EDC3: variants seen among roughly 807,000 people sequenced by gnomAD.
EDC3 encodes the protein enhancer of mRNA-decapping protein 3.
A neutral mutation model predicts 41.8 loss-of-function variants in EDC3; 20 were observed. The observed-to-expected ratio is 0.48, with a 90% CI of 0.34 to 0.70. The LOEUF is 0.70. Ranked by LOEUF, EDC3 falls within the 30% of genes least tolerant of loss-of-function variation. EDC3 has a pLI of 0.01. For synonymous variants in EDC3, 206 were observed against 243.2 expected (o/e 0.85, Z 1.42); for missense variants, 444 against 636.8 (o/e 0.70, Z 3.26).
intron 1 of EDC3, among the ~76,000 whole-genome samples, chr15:74,677,351 T>A (rs1423396563): frequency 1.4e-5 from 2 of 147,318 alleles, no homozygotes; most frequent in Non-Finnish European, 3.0e-5. Flanking sequence ...TGAGCCACCA[T>A]GCCCAGCCTT....
chr15:74,655,680 C>T (rs2141614845), intron 4 of EDC3, 53 bp downstream of exon 4: 3 of 1,517,666 alleles, frequency 2.0e-6, no homozygotes, highest in Non-Finnish European at 2.7e-6. Context: ...CTGTTTCAAG[C>T]ATAATAGAAA....
At position 74,632,311 on chromosome 15, in the gene EDC3, C is replaced by A; in HGVS notation, c.*301G>T. On this transcript the variant is annotated 3_prime_UTR_variant, in exon 7 of 7. Transcript: ENST00000315127. This position sits in a 1 kb window ranked among gnomAD's most constrained non-coding sequence, Gnocchi z 4.0. ...GCCCAGTGGCTGTAAACCTGAAACA[C>A]AGTCTTGAGAGCTGCCTACGGCTGT... 2.5e-6 allele frequency: 1 copy of A among 397,784 alleles called. No individual in the cohort carries two copies. The highest frequency in any genetic ancestry group is 4.8e-5 in the East Asian group (1 of 20,818). The allele number at this position is 397,784 out of a possible 1,614,324, so 24.6% of individuals were successfully genotyped here.
At chr15:74,683,303 G>A (rs189198154) in intron 1 of EDC3, among the ~76,000 whole-genome samples, 219 of 152,352 alleles carry the variant, frequency 1.4e-3, no homozygotes, top group African/African-American at 5.2e-3. Context: ...GGGAGGCTGA[G>A]GAGGGTGGAT....
At chr15:74,670,492 C>A (rs2141647502) in intron 3 of EDC3, among the ~76,000 whole-genome samples, 1 of 152,192 alleles carries the variant, frequency 6.6e-6, no homozygotes, top group South Asian at 2.1e-4. Context: ...TGGAGTGGCA[C>A]AATATCAGCT....
chr15:74,683,655 C>T (rs959936433), intron 1 of EDC3, among the ~76,000 whole-genome samples: 1 of 151,930 alleles, frequency 6.6e-6, no homozygotes, highest in African/African-American at 2.4e-5. Context: ...CTGGGTAGGG[C>T]ATAAGGAATC....
chr15:74,631,626 T>G lies in EDC3; in HGVS notation c.*986A>C, dbSNP rs1273797641. 2.0e-5 allele frequency: 3 copies of G among 152,708 alleles called. No homozygotes were observed. The highest frequency in any genetic ancestry group is 7.2e-5 in the African/African-American group (3 of 41,426). The allele number at this position is 152,708 out of a possible 1,614,324, so 9.5% of individuals were successfully genotyped here. Reference sequence around the variant, plus strand: ...CATCTGCCTGCTCTGGGATGACAGCTGCAAAGGACCGTTTCAGGGGAAGGG... The same window carrying G: ...CATCTGCCTGCTCTGGGATGACAGCGGCAAAGGACCGTTTCAGGGGAAGGG... On this transcript the variant is annotated 3_prime_UTR_variant, in exon 7 of 7. Coordinates refer to ENST00000315127, the MANE Select transcript of EDC3 (RefSeq NM_025083.5).
At chr15:74,694,003 A>C (rs1220598252) in intron 1 of EDC3, among the ~76,000 whole-genome samples, 1 of 151,848 alleles carries the variant, frequency 6.6e-6, no homozygotes, top group Non-Finnish European at 1.5e-5. Flanking sequence ...AAAAACAAAA[A>C]CTTCATAAAT....
intron 2 of EDC3, among the ~76,000 whole-genome samples, chr15:74,674,253 T>C (rs1300321373): frequency 6.6e-6 from 1 of 152,116 alleles, no homozygotes; most frequent in East Asian, 1.9e-4. Context: ...TACAGGCACA[T>C]GCCACCACAC....
intron 1 of EDC3, among the ~76,000 whole-genome samples, chr15:74,682,324 A>C (rs1390001877): frequency 6.6e-6 from 1 of 152,118 alleles, no homozygotes; most frequent in Non-Finnish European, 1.5e-5. Flanking sequence ...TCTCAAAAAA[A>C]GAAAAAACCC....
intron 1 of EDC3, 78 bp downstream of exon 1, chr15:74,695,802 G>A (rs946827393): frequency 2.0e-5 from 3 of 152,768 alleles, no homozygotes; most frequent in African/African-American, 7.2e-5. Context: ...ACGAGGCCTG[G>A]AACTCTGAAG....
intron 1 of EDC3, among the ~76,000 whole-genome samples, chr15:74,691,472 G>A (rs768114090): frequency 4.6e-5 from 7 of 152,120 alleles, no homozygotes; most frequent in South Asian, 2.1e-4. Context: ...AAGTTATGGC[G>A]CTGTGAGGGC....
intron 4 of EDC3, chr15:74,644,930 C>T (rs1234868464): frequency 1.3e-5 from 2 of 151,928 alleles, no homozygotes; most frequent in Admixed American, 6.6e-5. Context: ...AATGTACTCC[C>T]TGATGTGACG....
chr15:74,691,767 T>C (rs1469369913), intron 1 of EDC3, among the ~76,000 whole-genome samples: 1 of 152,198 alleles, frequency 6.6e-6, no homozygotes, highest in Non-Finnish European at 1.5e-5. Flanking sequence ...AAAGTTTTAT[T>C]GGAACACAAC....
intron 1 of EDC3, among the ~76,000 whole-genome samples, chr15:74,678,597 CAG>C (rs937329296): frequency 1.3e-5 from 2 of 151,924 alleles, no homozygotes; most frequent in African/African-American, 4.8e-5. Context: ...TTAGAAAACA[CAG>C]GGGAATGAGG....
chr15:74,690,917 G>A (rs969572199), intron 1 of EDC3, among the ~76,000 whole-genome samples: 3 of 152,180 alleles, frequency 2.0e-5, no homozygotes, highest in South Asian at 2.1e-4. Context: ...GGTGGCTCAC[G>A]CCTCAGGTGG....
chr15:74,640,381 A>G, intron 5 of EDC3, 85 bp downstream of exon 5: 1 of 1,444,142 alleles, frequency 6.9e-7, no homozygotes, highest in Admixed American at 2.0e-5. Context: ...ATGAACTCGT[A>G]TGTGTGTATG....
intron 4 of EDC3, among the ~76,000 whole-genome samples, chr15:74,648,246 T>C (rs1200083427): frequency 6.6e-6 from 1 of 152,238 alleles, no homozygotes; most frequent in Non-Finnish European, 1.5e-5. Context: ...AACAGATTTC[T>C]TGACTACCTA....
At chr15:74,662,986 GT>G (rs2062637278) in intron 3 of EDC3, among the ~76,000 whole-genome samples, 1 of 152,152 alleles carries the variant, frequency 6.6e-6, no homozygotes, top group Non-Finnish European at 1.5e-5. Context: ...TGGAACTAAA[GT>G]TTGAAAAGCA....
chr15:74,685,733 CTAGCAGATGA>C (rs1307058157), intron 1 of EDC3, among the ~76,000 whole-genome samples: 1 of 152,068 alleles, frequency 6.6e-6, no homozygotes. Flanking sequence ...CAGAAAACAG[CTAGCAGATGA>C]TAGCAGATGA....
Sources: gnomAD v4.1 joint callset for allele counts (sites outside exome capture counted in the v4.1 genomes callset) on GRCh38, gnomAD v4.1.1 for gene constraint, Gnocchi (gnomAD v3.1) non-coding constraint, MANE v1.5 for transcripts, NCBI Gene and HGNC (gene_info 2026-07-23, HGNC 2026-07-21) for gene names.